Variants in SLC35D4 observed in about 807,000 individuals in gnomAD.
SLC35D4 encodes solute carrier family 35 member D4, also known as UDP-N-acetylglucosamine transporter SLC35D4.
At chr18:23,422,022 G>A in the SLC35D4 span, among the ~76,000 whole-genome samples, 1 of 151,894 alleles carries the variant, frequency 6.6e-6, no homozygotes. Context: ...CTCACTCATA[G>A]CCACTGCTTC....
chr18:23,355,129 G>A, the SLC35D4 span, among the ~76,000 whole-genome samples: 976 of 152,270 alleles, frequency 6.4e-3, 9 homozygotes, highest in African/African-American at 0.022. Context: ...CCTCAAAGAG[G>A]CTGAGCTCTG....
chr18:23,378,007 A>G, the SLC35D4 span, among the ~76,000 whole-genome samples: 3 of 152,050 alleles, frequency 2.0e-5, no homozygotes, highest in African/African-American at 7.2e-5. Context: ...TATTTTAAAA[A>G]GCAATTAAGC....
chr18:23,298,311 G>A, the SLC35D4 span, among the ~76,000 whole-genome samples: 1 of 152,210 alleles, frequency 6.6e-6, no homozygotes, highest in South Asian at 2.1e-4. Flanking sequence ...GGGGAAGAAG[G>A]TGAAGCGTCC....
At chr18:23,260,224 G>A in the SLC35D4 span, 1 of 152,164 alleles carries the variant, frequency 6.6e-6, no homozygotes, top group Non-Finnish European at 1.5e-5. Context: ...ATTTAAACAG[G>A]AAATTCATAC....
the SLC35D4 span, chr18:23,421,320 C>T: frequency 2.0e-6 from 3 of 1,478,894 alleles, no homozygotes; most frequent in Middle Eastern, 1.9e-4. Flanking sequence ...ATATCAAAAG[C>T]AAGCAGAGTG....
At chr18:23,336,827 A>G in the SLC35D4 span, among the ~76,000 whole-genome samples, 1 of 152,198 alleles carries the variant, frequency 6.6e-6, no homozygotes, top group Non-Finnish European at 1.5e-5. Flanking sequence ...TCCCCACCCA[A>G]GAGATAGTGG....
the SLC35D4 span, among the ~76,000 whole-genome samples, chr18:23,246,222 C>G: frequency 6.6e-6 from 1 of 151,284 alleles, no homozygotes. Flanking sequence ...AGAGATCACA[C>G]CACTGCACAC....
the SLC35D4 span, among the ~76,000 whole-genome samples, chr18:23,361,252 T>C: frequency 6.6e-6 from 1 of 152,134 alleles, no homozygotes; most frequent in South Asian, 2.1e-4. Context: ...ACTGTGACTG[T>C]GTCTTAACTG....
At chr18:23,262,699 G>C in the SLC35D4 span, among the ~76,000 whole-genome samples, 1 of 152,232 alleles carries the variant, frequency 6.6e-6, no homozygotes, top group Non-Finnish European at 1.5e-5. Flanking sequence ...GATTCCCCAG[G>C]TGGGCCCAGG....
the SLC35D4 span, among the ~76,000 whole-genome samples, chr18:23,281,682 G>A: frequency 1.3e-5 from 2 of 152,124 alleles, no homozygotes; most frequent in South Asian, 2.1e-4. Flanking sequence ...GGGCCTCCCT[G>A]AGAACAGGGA....
chr18:23,297,870 T>C, the SLC35D4 span: 2 of 1,002,754 alleles, frequency 2.0e-6, no homozygotes, highest in Non-Finnish European at 3.0e-6. Flanking sequence ...GTGATGGCAC[T>C]GCCCACCTGG....
At chr18:23,314,874 G>T in the SLC35D4 span, among the ~76,000 whole-genome samples, 2 of 152,214 alleles carry the variant, frequency 1.3e-5, no homozygotes, top group Admixed American at 6.5e-5. Flanking sequence ...CAGCCGCAGG[G>T]CTTTGAACTT....
the SLC35D4 span, among the ~76,000 whole-genome samples, chr18:23,274,157 A>G: frequency 6.6e-6 from 1 of 152,160 alleles, no homozygotes; most frequent in Non-Finnish European, 1.5e-5. Context: ...TCTGGTCACA[A>G]ACTCCTCGTC....
chr18:23,371,564 G>C, the SLC35D4 span: 1 of 1,013,108 alleles, frequency 9.9e-7, no homozygotes, highest in African/African-American at 1.7e-5. Context: ...TCAATGCTCA[G>C]TGCCAAGCAA....
the SLC35D4 span, chr18:23,253,086 C>G: frequency 9.2e-6 from 13 of 1,415,490 alleles, no homozygotes; most frequent in Non-Finnish European, 1.2e-5. Context: ...GCTGGACTTG[C>G]CTGTGACCTT....
the SLC35D4 span, among the ~76,000 whole-genome samples, chr18:23,284,843 C>T: frequency 6.6e-6 from 1 of 152,214 alleles, no homozygotes; most frequent in Non-Finnish European, 1.5e-5. Context: ...TGACTTGGTC[C>T]TGTCTACTCA....
chr18:23,345,294 C>A, the SLC35D4 span, among the ~76,000 whole-genome samples: 1 of 151,714 alleles, frequency 6.6e-6, no homozygotes, highest in Non-Finnish European at 1.5e-5. Flanking sequence ...CCAGTCTGAC[C>A]AACATGGTTA....
chr18:23,285,455 C>A, the SLC35D4 span, among the ~76,000 whole-genome samples: 1 of 152,102 alleles, frequency 6.6e-6, no homozygotes, highest in African/African-American at 2.4e-5. Flanking sequence ...TTCCAAATAG[C>A]CAGAAAACGG....
At chr18:23,353,732 C>T in the SLC35D4 span, among the ~76,000 whole-genome samples, 5 of 152,288 alleles carry the variant, frequency 3.3e-5, no homozygotes, top group East Asian at 1.9e-4. Flanking sequence ...AAAGAGGGCC[C>T]GTGGGTAAGC....
Sources: gnomAD v4.1 joint callset for allele counts (sites outside exome capture counted in the v4.1 genomes callset) on GRCh38, gnomAD v4.1.1 for gene constraint, MANE v1.5 for transcripts, NCBI Gene and HGNC (gene_info 2026-07-23, HGNC 2026-07-21) for gene names.